BFSP1: variants seen among roughly 807,000 people sequenced by gnomAD.
BFSP1 encodes the protein filensin.
BFSP1 carries 38 observed loss-of-function variants against 43.9 expected under a neutral mutation model. The ratio of observed to expected loss-of-function variants is 0.87; its 90% confidence interval spans 0.67 to 1.14. The LOEUF is 1.14. Ranked by LOEUF, BFSP1 falls within the 50% of genes most tolerant of loss-of-function variation. The pLI, the probability that BFSP1 is intolerant of heterozygous loss-of-function variation, is 0.00. For synonymous variants in BFSP1, 352 were observed against 354.8 expected (o/e 0.99, Z 0.09); for missense variants, 850 against 875.1 (o/e 0.97, Z 0.36).
At position 17,508,828 on chromosome 20, in the gene BFSP1, C is replaced by T. The variant is rs2072957; in HGVS notation, c.735+61G>A. The T allele has an allele frequency of 0.16, 220,933 of 1,410,800 alleles. 20,917 individuals are homozygous for T. Among genetic ancestry groups the T allele is most frequent in the East Asian group, 0.43 (16,456 of 38,226 alleles). The allele number at this position is 1,410,800 out of a possible 1,614,324, so 87.4% of individuals were successfully genotyped here. A position where few individuals can be genotyped will look rare whatever the true frequency, so the allele number is the denominator to read the frequency against. ...CTCAAGCTGCATGCGTGTGCCTGCG[C>T]GTAACACCTCCATGAAACATGTGGG... On this transcript the variant is annotated intron_variant, in intron 5 of 7. Coordinates refer to ENST00000377873, the MANE Select transcript of BFSP1 (RefSeq NM_001195.5).
intron 6 of BFSP1, among the ~76,000 whole-genome samples, chr20:17,497,971 C>G (rs1262190777): frequency 6.6e-6 from 1 of 152,144 alleles, no homozygotes; most frequent in African/African-American, 2.4e-5. Flanking sequence ...TTCACTGTGA[C>G]ATAAATATAA....
rs55674499 is a variant in BFSP1 at position 17,526,141 on chromosome 20, CGGGGGGGG to C, written c.378-1241_378-1234del. Among the ~76,000 whole-genome samples the C allele has an allele frequency of 3.7e-4, 7 of 18,866 alleles. 2 individuals are homozygous for C. In the East Asian group the frequency reaches 0.055, roughly 147 times the overall value. The allele number at this position is 18,866 out of a possible 152,430, so 12.4% of individuals were successfully genotyped here. On this transcript the variant is annotated intron_variant, in intron 1 of 7. Coordinates refer to ENST00000377873, the MANE Select transcript of BFSP1 (RefSeq NM_001195.5). ...ACTTTTTCTGTTTTTTTCTGTATGGCGGGGGGGGGGGGGGGGGGGCTGGTAAAATATGC... is the reference window on the plus strand; with the variant it reads ...ACTTTTTCTGTTTTTTTCTGTATGGCGGGGGGGGGGGCTGGTAAAATATGC...
chr20:17,568,996 G>A (rs1425803940), intron 1 of BFSP1, among the ~76,000 whole-genome samples: 1 of 152,124 alleles, frequency 6.6e-6, no homozygotes, highest in Non-Finnish European at 1.5e-5. Flanking sequence ...TGTTTCCGAC[G>A]CAACCGCCCA....
chr20:17,530,809 C>T, intron 1 of BFSP1, 144 bp downstream of exon 1: 1 of 896,766 alleles, frequency 1.1e-6, no homozygotes, highest in Non-Finnish European at 1.5e-6. Context: ...GGAAATGTGC[C>T]ACCTGCGTGC....
intron 1 of BFSP1, among the ~76,000 whole-genome samples, chr20:17,527,711 G>A (rs2034451532): frequency 6.6e-6 from 1 of 151,262 alleles, no homozygotes; most frequent in African/African-American, 2.4e-5. Context: ...CTGGGTGACA[G>A]AGCGAGACTC....
At position 17,507,116 on chromosome 20, in the gene BFSP1, G is replaced by A. The variant is rs2033955770; in HGVS notation, c.735+1773C>T. On this transcript the variant is annotated intron_variant, in intron 5 of 7. Transcript: ENST00000377873. This position sits in a 1 kb window ranked among gnomAD's most constrained non-coding sequence, Gnocchi z 4.4. The stretch of plus-strand genomic sequence containing the variant: ...TTCAACAAATACCTGTACATAAAGA[G>A]AGGAACATTCTTTTTGTCCTGGAAC... 6.6e-6 allele frequency: 1 copy of A among 152,180 alleles called. No individual in the cohort carries two copies. Among genetic ancestry groups the A allele is most frequent in the African/African-American group, 2.4e-5 (1 of 41,452 alleles). 9.4% of individuals were successfully genotyped at this position (152,180 alleles called of 1,614,324 possible).
At chr20:17,543,031 T>C (rs997106486) in intron 1 of BFSP1, among the ~76,000 whole-genome samples, 11 of 152,214 alleles carry the variant, frequency 7.2e-5, no homozygotes, top group African/African-American at 2.7e-4. Context: ...AGGAGGCAGT[T>C]ACTCCTAGCT....
intron 2 of BFSP1, among the ~76,000 whole-genome samples, chr20:17,524,457 C>G (rs1313459752): frequency 6.6e-6 from 1 of 152,200 alleles, no homozygotes; most frequent in Non-Finnish European, 1.5e-5. Flanking sequence ...GCCGCAATCT[C>G]AAAACTCTTA....
chr20:17,537,568 C>CAAAAAAAAAAAAAAAAAAAAAAAAAAAAA (rs901895418), intron 1 of BFSP1, among the ~76,000 whole-genome samples: 2 of 63,826 alleles, frequency 3.1e-5, no homozygotes, highest in African/African-American at 5.8e-5. Context: ...ACTGAAGCAC[C>CAAAAAAAAAAAAAAAAAAAAAAAAAAAAA]AAAAAAAAAA....
At chr20:17,500,802 T>A (rs929450016) in intron 5 of BFSP1, among the ~76,000 whole-genome samples, 8 of 152,154 alleles carry the variant, frequency 5.3e-5, no homozygotes, top group Admixed American at 1.3e-4. Flanking sequence ...TTAAAAAAAA[T>A]TTAAACTTTA....
Position 17,538,673 on chromosome 20 carries a change from G to A in BFSP1, c.3-13765C>T, listed in dbSNP as rs1010131704. Among the ~76,000 whole-genome samples the A allele has an allele frequency of 4.6e-5, 7 of 152,104 alleles. 1 individual carries two copies. The South Asian group carries it at 6.2e-4, about 13-fold the overall frequency. On this transcript the variant is annotated intron_variant, in intron 1 of 7. Coordinates refer to the BFSP1 transcript ENST00000377868. Reference sequence around the variant, plus strand: ...CTCAGAATGTCCTTGAGACATTGTCGTACCAACTCATCGTCATTCTGGTTA... The same window carrying A: ...CTCAGAATGTCCTTGAGACATTGTCATACCAACTCATCGTCATTCTGGTTA...
At chr20:17,523,887 G>A (rs891731571) in intron 2 of BFSP1, among the ~76,000 whole-genome samples, 8 of 151,982 alleles carry the variant, frequency 5.3e-5, no homozygotes, top group Admixed American at 5.3e-4. Flanking sequence ...CAAAGTGAAG[G>A]GATGGCAAAC....
chr20:17,503,129 T>TC (rs1295307697), intron 5 of BFSP1, among the ~76,000 whole-genome samples: 4 of 152,134 alleles, frequency 2.6e-5, no homozygotes, highest in Non-Finnish European at 5.9e-5. Context: ...GCTCAAGTGG[T>TC]CCCCACACCT....
At chr20:17,500,090 G>T (rs1056608720) in intron 5 of BFSP1, among the ~76,000 whole-genome samples, 1 of 152,176 alleles carries the variant, frequency 6.6e-6, no homozygotes, top group Admixed American at 6.5e-5. Flanking sequence ...CTGAGTGGGA[G>T]AAAAGTTTCC....
At chr20:17,560,720 G>A (rs2035059479), upstream of BFSP1, 1 of 152,230 alleles carries the variant, frequency 6.6e-6, no homozygotes, top group Non-Finnish European at 1.5e-5. Context: ...GCAGCCTCTG[G>A]GGTGGGCGCT....
chr20:17,496,920 A>T lies in BFSP1; in HGVS notation c.1042+18T>A. 1 of 1,509,986 alleles carries T rather than the reference A, an allele frequency of 6.6e-7. No individual in the cohort carries two copies. The highest frequency in any genetic ancestry group is 1.3e-5 in the South Asian group (1 of 77,462). The allele number at this position is 1,509,986 out of a possible 1,614,324, so 93.5% of individuals were successfully genotyped here. A position where few individuals can be genotyped will look rare whatever the true frequency, so the allele number is the denominator to read the frequency against. ...TCAAGACAGAAAAAAACAGAAGTCC[A>T]GTGTTGGGGAGCGTTACCTTTCCCA... On this transcript the variant is annotated intron_variant, in intron 7 of 7. Coordinates refer to ENST00000377873, the MANE Select transcript of BFSP1 (RefSeq NM_001195.5).
In BFSP1 at chr20:17,508,816, C is replaced by T. The variant is rs148021658; in HGVS notation, c.735+73G>A. 460 of 1,325,562 alleles carry T rather than the reference C, an allele frequency of 3.5e-4. 3 individuals are homozygous for T. The African/African-American group carries it at 5.0e-3, about 14-fold the overall frequency. The allele number at this position is 1,325,562 out of a possible 1,614,324, so 82.1% of individuals were successfully genotyped here. Reference sequence around the variant, plus strand: ...GTGTGACAGCTCCTCAAGCTGCATGCGTGTGCCTGCGCGTAACACCTCCAT... The same window carrying T: ...GTGTGACAGCTCCTCAAGCTGCATGTGTGTGCCTGCGCGTAACACCTCCAT... On this transcript the variant is annotated intron_variant, in intron 5 of 7. Coordinates refer to ENST00000377873, the MANE Select transcript of BFSP1 (RefSeq NM_001195.5).
At chr20:17,529,501 C>T (rs548082676) in intron 1 of BFSP1, among the ~76,000 whole-genome samples, 6 of 151,196 alleles carry the variant, frequency 4.0e-5, no homozygotes, top group African/African-American at 1.2e-4. Flanking sequence ...GTCATTGGGG[C>T]ATGTGCCTGT....
At chr20:17,526,237 A>G (rs1399479214) in intron 1 of BFSP1, among the ~76,000 whole-genome samples, 1 of 139,198 alleles carries the variant, frequency 7.2e-6, no homozygotes, top group Non-Finnish European at 1.5e-5. Flanking sequence ...AAATATATTC[A>G]TAATGTTGTG....
Sources: gnomAD v4.1 joint callset for allele counts (sites outside exome capture counted in the v4.1 genomes callset) on GRCh38, gnomAD v4.1.1 for gene constraint, Gnocchi (gnomAD v3.1) non-coding constraint, MANE v1.5 for transcripts, NCBI Gene and HGNC (gene_info 2026-07-23, HGNC 2026-07-21) for gene names.